Variants in SDK2 observed in about 807,000 individuals in gnomAD.
SDK2 encodes sidekick cell adhesion molecule 2, also known as protein sidekick-2.
Under a neutral mutation model 253.9 loss-of-function variants are expected in SDK2, and 105 were observed. The ratio of observed to expected loss-of-function variants is 0.41; its 90% CI spans 0.35 to 0.49. SDK2 has a LOEUF of 0.49. Among genes scored for constraint, SDK2 ranks in the 20% least tolerant of loss-of-function variants. SDK2 has a pLI of 0.06. For missense variants in SDK2, 2,608 were observed against 3,003.0 expected (o/e 0.87, Z 3.07); for synonymous variants, 1,249 against 1,234.9 (o/e 1.01, Z -0.24).
chr17:73,534,896 C>T lies in SDK2; in HGVS notation c.65-27299G>A, dbSNP rs113163529. Among the ~76,000 whole-genome samples the T allele has an allele frequency of 3.1e-3, 476 of 152,286 alleles. 1 individual carries two copies. The highest frequency in any genetic ancestry group is 0.011 in the African/African-American group (447 of 41,562). On this transcript the variant is annotated intron_variant, in intron 1 of 44. Transcript: ENST00000392650. The surrounding 1 kb of genome is among the most constrained non-coding windows in gnomAD (Gnocchi z 4.9). The stretch of plus-strand genomic sequence containing the variant: ...GTGGGGATACTGGATACTCTGCGAT[C>T]GGCCGATCAGCCCGCTACTGGGTCT...
chr17:73,542,121 C>T (rs961661239), intron 1 of SDK2, among the ~76,000 whole-genome samples: 1 of 152,240 alleles, frequency 6.6e-6, no homozygotes, highest in Non-Finnish European at 1.5e-5. Flanking sequence ...GTACCTGGGA[C>T]TGGCCCATCT....
In SDK2 at chr17:73,438,033, C is replaced by T. The variant is rs777026939; in HGVS notation, c.847G>A (p.Glu283Lys). 4.5e-6 allele frequency: 7 copies of T among 1,551,452 alleles called. No individual in the cohort carries two copies. Among genetic ancestry groups the T allele is most frequent in the East Asian group, 2.4e-5 (1 of 40,942 alleles). The change falls in exon 7 of 45, where the codon GAG becomes AAG. Residue 283 changes from glutamate to lysine, a missense_variant. Physicochemically the swap from Glu to Lys is moderately conservative, Grantham distance 56. Around this residue, in one of 2 missense-constraint regions of SDK2, gnomAD observed 1,505 missense variants for 1,859.1 expected, o/e 0.81. Coordinates refer to ENST00000392650, the MANE Select transcript of SDK2 (RefSeq NM_001144952.2). ...CTGCTGCGCAGGACAGCCTCACACT[C>T]GTAGTAGCCGGCGTCACTGCCGGTG... ...NPTGSDAGYY[E>K]CEAVLRSSSV...
intron 1 of SDK2, among the ~76,000 whole-genome samples, chr17:73,552,100 T>A (rs535948490): frequency 2.0e-3 from 303 of 150,718 alleles, no homozygotes; most frequent in Non-Finnish European, 3.5e-3. Context: ...CTGTCCCCCC[T>A]GTCTGGGGCC....
chr17:73,370,669 C>T (rs903656163), intron 36 of SDK2, among the ~76,000 whole-genome samples: 18 of 152,104 alleles, frequency 1.2e-4, no homozygotes, highest in Non-Finnish European at 7.3e-5. Context: ...GCAATCCTCC[C>T]GCCTCAGCCC....
chr17:73,544,822 C>T (rs902474125), intron 1 of SDK2, among the ~76,000 whole-genome samples: 8 of 152,302 alleles, frequency 5.3e-5, no homozygotes, highest in Admixed American at 3.3e-4. Flanking sequence ...CTCGGGTGTG[C>T]AGCACCCATG....
At chr17:73,357,916 C>T (rs1169181401) in intron 40 of SDK2, 163 bp downstream of exon 40, 8 of 1,117,916 alleles carry the variant, frequency 7.2e-6, no homozygotes, top group Non-Finnish European at 9.4e-6. Flanking sequence ...CTAGGAGCCC[C>T]CCAACCCAGT....
At chr17:73,510,585 G>C (rs1044472408) in intron 1 of SDK2, among the ~76,000 whole-genome samples, 1 of 152,130 alleles carries the variant, frequency 6.6e-6, no homozygotes, top group African/African-American at 2.4e-5. Flanking sequence ...CCGCAGCCTC[G>C]ACCTCTGGGG....
chr17:73,620,198 CA>C lies in SDK2; in HGVS notation c.64+23826del, dbSNP rs111772920. ...TGGGCAACAAAGTGAGATCCTGTCT[CA>C]AAAAAAAAAAAAAAGACAATGGACT... On this transcript the variant is annotated intron_variant, in intron 1 of 44. Coordinates refer to ENST00000392650, the MANE Select transcript of SDK2 (RefSeq NM_001144952.2). 7.4e-3 allele frequency among the ~76,000 whole-genome samples: 900 copies of C among 121,970 alleles called. 2 individuals are homozygous for C. The highest frequency in any genetic ancestry group is 0.018 in the African/African-American group (605 of 34,104). 80.0% of individuals were successfully genotyped at this position (121,970 alleles called of 152,430 possible).
Position 73,437,609 on chromosome 17 carries a change from A to T in SDK2, c.1000+130T>A. The T allele has an allele frequency of 2.5e-6, 2 of 806,632 alleles. 1 individual carries two copies. The highest frequency in any genetic ancestry group is 3.0e-5 in the South Asian group (2 of 67,700). The allele number at this position is 806,632 out of a possible 1,614,324, so 50.0% of individuals were successfully genotyped here. A position where few individuals can be genotyped will look rare whatever the true frequency, so the allele number is the denominator to read the frequency against. On this transcript the variant is annotated intron_variant, in intron 8 of 44. Transcript: ENST00000392650. ...TGTTTCCTGGGGTGCCTGCTCAGAC[A>T]GCCAGACAGACTCTCTGCCTAGTGA...
intron 1 of SDK2, among the ~76,000 whole-genome samples, chr17:73,543,054 T>C (rs1181205151): frequency 6.6e-6 from 1 of 152,152 alleles, no homozygotes; most frequent in Non-Finnish European, 1.5e-5. Flanking sequence ...AGTTTCCTCA[T>C]CTGCAAAAGA....
At chr17:73,368,801 G>T (rs1443227331) in intron 36 of SDK2, among the ~76,000 whole-genome samples, 2 of 152,160 alleles carry the variant, frequency 1.3e-5, no homozygotes, top group African/African-American at 4.8e-5. Flanking sequence ...CTTGAGGCCA[G>T]GAGTTCAAGA....
intron 3 of SDK2, among the ~76,000 whole-genome samples, chr17:73,469,992 G>GCGCGCGCGCGCACACACA (rs1328450219): frequency 2.4e-5 from 3 of 126,264 alleles, no homozygotes; most frequent in African/African-American, 9.3e-5. Flanking sequence ...GCGCGCGCGC[G>GCGCGCGCGCGCACACACA]CACACACACA....
At chr17:73,355,271 T>C (rs2062582378) in intron 40 of SDK2, among the ~76,000 whole-genome samples, 1 of 145,880 alleles carries the variant, frequency 6.9e-6, no homozygotes, top group African/African-American at 2.6e-5. Flanking sequence ...CCGCCTCCCA[T>C]TCAAGAGATT....
chr17:73,616,867 G>A lies in SDK2; in HGVS notation c.64+27158C>T, dbSNP rs1034789682. On this transcript the variant is annotated intron_variant, in intron 1 of 44. Transcript: ENST00000392650. This position sits in a 1 kb window ranked among gnomAD's most constrained non-coding sequence, Gnocchi z 5.2. ...GGACACAGAAGCCCCTTCTGAAGTG[G>A]GGATAGCTGAGAATGCAGAGGGGAG... Among the ~76,000 whole-genome samples the A allele has an allele frequency of 1.2e-4, 18 of 152,256 alleles. No homozygotes were observed. The East Asian group carries it at 3.1e-3, about 26-fold the overall frequency.
intron 16 of SDK2, among the ~76,000 whole-genome samples, chr17:73,416,869 G>A (rs908120325): frequency 7.2e-5 from 11 of 152,052 alleles, no homozygotes; most frequent in Non-Finnish European, 1.0e-4. Context: ...GATTATAGGC[G>A]TGAGCCACCA....
intron 1 of SDK2, among the ~76,000 whole-genome samples, chr17:73,599,031 G>T (rs756455269): frequency 3.3e-5 from 5 of 152,238 alleles, no homozygotes; most frequent in Admixed American, 6.5e-5. Flanking sequence ...TAAGGAGCGA[G>T]TGGAAAATGT....
chr17:73,576,567 C>T (rs1278467550), intron 1 of SDK2, among the ~76,000 whole-genome samples: 1 of 152,228 alleles, frequency 6.6e-6, no homozygotes, highest in Non-Finnish European at 1.5e-5. Flanking sequence ...ATCCAAGGCA[C>T]AGCTGGCTAG....
intron 38 of SDK2, among the ~76,000 whole-genome samples, chr17:73,362,962 C>T (rs959336905): frequency 3.9e-5 from 6 of 152,266 alleles, no homozygotes; most frequent in African/African-American, 1.4e-4. Flanking sequence ...TGTCCCTTAA[C>T]TTGGCTTCAG....
intron 32 of SDK2, 30 bp from the exon 33 acceptor site, chr17:73,384,041 G>A (rs1486354811): frequency 1.9e-6 from 3 of 1,606,110 alleles, no homozygotes; most frequent in Non-Finnish European, 2.6e-6. Context: ...CATGGGGAGG[G>A]CACCTGGACC....
Sources: allele counts gnomAD v4.1 joint callset (sites outside exome capture counted in the v4.1 genomes callset), GRCh38; gene constraint gnomAD v4.1.1; regional missense constraint gnomAD v4.1.1; non-coding constraint Gnocchi (gnomAD v3.1); transcripts MANE v1.5; gene names NCBI Gene and HGNC (gene_info 2026-07-23, HGNC 2026-07-21).